Variants in BNC2 observed in about 807,000 individuals in gnomAD.
BNC2 encodes the protein zinc finger protein basonuclin-2.
A neutral mutation model predicts 76.3 loss-of-function variants in BNC2; 20 were observed. The observed-to-expected ratio is 0.26, with a 90% confidence interval of 0.18 to 0.38. The LOEUF (loss-of-function observed/expected upper bound fraction) is 0.38, where lower values mean the gene tolerates loss of function less well. BNC2 is among the 10% of genes least tolerant of loss of function. BNC2 has a pLI of 1.00. For missense variants in BNC2, 1,382 were observed against 1,399.8 expected, an observed-to-expected ratio of 0.99 and a Z score of 0.20; for synonymous variants, 582 against 514.8, an observed-to-expected ratio of 1.13 and a Z score of -1.77.
intron 1 of BNC2, chr9:16,867,818 T>C (rs980801839): frequency 5.5e-5 from 8 of 146,712 alleles, no homozygotes; most frequent in African/African-American, 2.0e-4. Flanking sequence ...GGCAAAAAAA[T>C]ACAAGAAAAG....
At chr9:16,675,083 A>C (rs1398674685) in intron 3 of BNC2, among the ~76,000 whole-genome samples, 1 of 152,194 alleles carries the variant, frequency 6.6e-6, no homozygotes, top group African/African-American at 2.4e-5. Context: ...GTGCAGGAAG[A>C]TCTGCTATTT....
intron 3 of BNC2, among the ~76,000 whole-genome samples, chr9:16,695,825 G>C (rs1394311217): frequency 6.6e-6 from 1 of 151,508 alleles, no homozygotes; most frequent in African/African-American, 2.4e-5. Context: ...ACTCTCACTA[G>C]ATTTTTCTAA....
At chr9:16,474,846 C>A (rs936902868) in intron 5 of BNC2, among the ~76,000 whole-genome samples, 1 of 152,120 alleles carries the variant, frequency 6.6e-6, no homozygotes, top group African/African-American at 2.4e-5. Context: ...ATTAAAAAAA[C>A]CCATGATGAA....
chr9:16,551,350 C>A (rs955641001), intron 5 of BNC2, among the ~76,000 whole-genome samples: 3 of 152,184 alleles, frequency 2.0e-5, no homozygotes, highest in East Asian at 1.9e-4. Context: ...GCTGGAGGTA[C>A]CACACAGGAA....
chr9:16,494,240 C>A (rs1212312897), intron 5 of BNC2, among the ~76,000 whole-genome samples: 4 of 151,930 alleles, frequency 2.6e-5, no homozygotes, highest in Non-Finnish European at 4.4e-5. Flanking sequence ...GCAAACTACA[C>A]CTCCCAGATT....
At chr9:16,510,244 C>G (rs1822721307) in intron 5 of BNC2, among the ~76,000 whole-genome samples, 1 of 152,186 alleles carries the variant, frequency 6.6e-6, no homozygotes, top group African/African-American at 2.4e-5. Context: ...GAGAAAATGT[C>G]CAACTTCCTC....
intron 4 of BNC2, among the ~76,000 whole-genome samples, chr9:16,561,562 T>C (rs756374526): frequency 7.4e-6 from 1 of 135,232 alleles, no homozygotes; most frequent in African/African-American, 3.5e-5. Context: ...TCCAAGTACA[T>C]GAATTCATTC....
chr9:16,844,359 TAAG>T (rs997095398), intron 1 of BNC2, among the ~76,000 whole-genome samples: 1 of 151,844 alleles, frequency 6.6e-6, no homozygotes, highest in African/African-American at 2.4e-5. Flanking sequence ...TTAAAAACGT[TAAG>T]AAGTAGAATT....
At chr9:16,515,036 G>GAACT (rs1260237219) in intron 5 of BNC2, among the ~76,000 whole-genome samples, 1 of 152,200 alleles carries the variant, frequency 6.6e-6, no homozygotes, top group Non-Finnish European at 1.5e-5. Context: ...GGAGGAAAGA[G>GAACT]AACTCCCTTT....
intron 3 of BNC2, among the ~76,000 whole-genome samples, chr9:16,660,953 G>T (rs955970394): frequency 6.6e-6 from 1 of 152,098 alleles, no homozygotes; most frequent in Admixed American, 6.5e-5. Context: ...TCAAATTTTG[G>T]TATTTGAGGG....
chr9:16,664,060 C>T (rs1363328389), intron 3 of BNC2, among the ~76,000 whole-genome samples: 1 of 152,142 alleles, frequency 6.6e-6, no homozygotes, highest in African/African-American at 2.4e-5. Flanking sequence ...TCCTCGATTC[C>T]ACCTTTATCC....
intron 5 of BNC2, among the ~76,000 whole-genome samples, chr9:16,518,461 A>T (rs7023752): frequency 0.33 from 50,631 of 151,920 alleles, 8,895 homozygotes; most frequent in South Asian, 0.48. Flanking sequence ...AATAGAAAAC[A>T]TGCCTTTTAG....
At chr9:16,519,516 G>C (rs993800227) in intron 5 of BNC2, among the ~76,000 whole-genome samples, 4 of 152,180 alleles carry the variant, frequency 2.6e-5, no homozygotes, top group Admixed American at 2.6e-4. Context: ...ATGAGCCCTA[G>C]TGGCAGTGGG....
At chr9:16,675,834 A>G (rs893081472) in intron 3 of BNC2, among the ~76,000 whole-genome samples, 1 of 152,130 alleles carries the variant, frequency 6.6e-6, no homozygotes, top group African/African-American at 2.4e-5. Flanking sequence ...CGATCACTTG[A>G]GGTCAGGAGT....
At chr9:16,499,912 TTAC>T (rs1052752549) in intron 5 of BNC2, among the ~76,000 whole-genome samples, 8 of 152,038 alleles carry the variant, frequency 5.3e-5, no homozygotes, top group African/African-American at 1.9e-4. Flanking sequence ...ACTACTCAAT[TTAC>T]TACTATCATA....
chr9:16,630,749 C>CTTTTTTTTTTTTTTTTT (rs755684997), intron 3 of BNC2, among the ~76,000 whole-genome samples: 4 of 140,184 alleles, frequency 2.9e-5, no homozygotes, highest in Non-Finnish European at 4.5e-5. Flanking sequence ...TGGAGCGTTT[C>CTTTTTTTTTTTTTTTTT]TTTTTTTGAA....
At chr9:16,556,618 A>C (rs1340843746) in intron 4 of BNC2, among the ~76,000 whole-genome samples, 1 of 150,760 alleles carries the variant, frequency 6.6e-6, no homozygotes, top group Admixed American at 6.6e-5. Flanking sequence ...AAATACAAAA[A>C]TTAGCTGGGC....
intron 1 of BNC2, among the ~76,000 whole-genome samples, chr9:16,770,254 G>GC (rs1449709787): frequency 6.6e-6 from 1 of 152,132 alleles, no homozygotes; most frequent in Non-Finnish European, 1.5e-5. Flanking sequence ...TAAGATCAGG[G>GC]CCAACCCTGT....
intron 3 of BNC2, among the ~76,000 whole-genome samples, chr9:16,632,944 G>A (rs1171399040): frequency 1.3e-5 from 2 of 152,076 alleles, no homozygotes. Context: ...CAATATTTGG[G>A]CCCCGAAGCA....
Sources: gnomAD v4.1 joint callset for allele counts (sites outside exome capture counted in the v4.1 genomes callset) on GRCh38, gnomAD v4.1.1 for gene constraint, MANE v1.5 for transcripts, NCBI Gene and HGNC (gene_info 2026-07-23, HGNC 2026-07-21) for gene names.